Variants in SEMA5B observed in about 807,000 individuals in gnomAD.
SEMA5B encodes semaphorin-5B.
Under a neutral mutation model 135.0 loss-of-function variants are expected in SEMA5B, and 66 were observed. The observed-to-expected ratio is 0.49, with a 90% CI of 0.40 to 0.60. SEMA5B has a LOEUF of 0.60. Ranked by LOEUF, SEMA5B falls within the 20% of genes least tolerant of loss-of-function variation. The probability of loss-of-function intolerance (pLI) is 0.00; values close to 1 mark genes in which losing one functional copy is unlikely to be tolerated. For missense variants in SEMA5B, 1,501 were observed against 1,566.3 expected (o/e 0.96, Z 0.70); for synonymous variants, 690 against 639.5 (o/e 1.08, Z -1.19).
At chr3:122,934,607 G>A (rs1576346653) in intron 5 of SEMA5B, among the ~76,000 whole-genome samples, 1 of 152,270 alleles carries the variant, frequency 6.6e-6, no homozygotes, top group South Asian at 2.1e-4. Flanking sequence ...CAGCATATTT[G>A]AATCCTGATT....
rs536116791 is a variant in SEMA5B, at chr3:123,006,561, T to C, written c.-39+20903A>G. ...AGGGGCTTGCTGGTGCTGCCCTGAG[T>C]GCTGAAATTAGGAATTGGGAGATTT... On this transcript the variant is annotated intron_variant, in intron 1 of 22. Coordinates refer to ENST00000357599, the MANE Select transcript of SEMA5B (RefSeq NM_001031702.4). Among the ~76,000 whole-genome samples, 3 of 152,276 alleles carry C rather than the reference T, an allele frequency of 2.0e-5. No homozygotes were observed. The East Asian group carries it at 5.8e-4, about 29-fold the overall frequency.
upstream of SEMA5B, chr3:123,028,396 C>T (rs944595858): frequency 6.6e-6 from 1 of 152,280 alleles, no homozygotes; most frequent in Non-Finnish European, 1.5e-5. Context: ...CCGAGCGAAC[C>T]TCTCCAAGCC....
chr3:122,986,692 C>T (rs1941710883), intron 1 of SEMA5B, among the ~76,000 whole-genome samples: 1 of 152,022 alleles, frequency 6.6e-6, no homozygotes, highest in African/African-American at 2.4e-5. Context: ...AAGGAACACA[C>T]ACACAGACAC....
chr3:122,985,772 G>A (rs1941678723), intron 1 of SEMA5B, among the ~76,000 whole-genome samples: 1 of 152,160 alleles, frequency 6.6e-6, no homozygotes, highest in Non-Finnish European at 1.5e-5. Flanking sequence ...CAACAGGGTG[G>A]CCACGCCAGC....
chr3:122,996,744 G>A (rs963105179), intron 1 of SEMA5B, among the ~76,000 whole-genome samples: 15 of 152,154 alleles, frequency 9.9e-5, no homozygotes, highest in African/African-American at 2.4e-4. Context: ...GGGACGTTCC[G>A]TGAGACCCCA....
At chr3:122,929,106 T>G in intron 5 of SEMA5B, 48 bp from the exon 6 acceptor site, 1 of 1,558,898 alleles carries the variant, frequency 6.4e-7, no homozygotes, top group Non-Finnish European at 8.8e-7. Flanking sequence ...GCTGTGTCAT[T>G]TACTGCCACT....
At chr3:122,938,905 G>A (rs1939427765) in intron 5 of SEMA5B, among the ~76,000 whole-genome samples, 1 of 152,226 alleles carries the variant, frequency 6.6e-6, no homozygotes, top group East Asian at 1.9e-4. Context: ...CTTCTTGGCA[G>A]CAGATAATAA....
intron 6 of SEMA5B, 29 bp downstream of exon 6, chr3:122,928,967 G>A (rs1279756219): frequency 6.2e-7 from 1 of 1,609,358 alleles, no homozygotes; most frequent in Non-Finnish European, 8.5e-7. Context: ...AGCTCCAGGT[G>A]GGGCCCCTGG....
At chr3:123,005,821 C>T (rs995176063) in intron 1 of SEMA5B, among the ~76,000 whole-genome samples, 1 of 152,218 alleles carries the variant, frequency 6.6e-6, no homozygotes, top group Non-Finnish European at 1.5e-5. Flanking sequence ...CAGGGGCCTG[C>T]CTACCATGCA....
At chr3:122,956,691 T>A (rs1440542181) in intron 2 of SEMA5B, among the ~76,000 whole-genome samples, 1 of 151,896 alleles carries the variant, frequency 6.6e-6, no homozygotes. Context: ...AGACAGGGGA[T>A]CGCCCAGACC....
intron 12 of SEMA5B, among the ~76,000 whole-genome samples, chr3:122,920,662 C>T (rs1938300591): frequency 6.6e-6 from 1 of 152,184 alleles, no homozygotes; most frequent in South Asian, 2.1e-4. Context: ...AGAGCCGAAG[C>T]TCAAAAAGAT....
At chr3:122,982,144 C>T (rs1171085349) in intron 1 of SEMA5B, among the ~76,000 whole-genome samples, 2 of 152,218 alleles carry the variant, frequency 1.3e-5, no homozygotes, top group Non-Finnish European at 2.9e-5. Context: ...CTCTTGACTT[C>T]TCATGTCCCA....
intron 14 of SEMA5B, 118 bp from the exon 15 acceptor site, chr3:122,914,119 T>G (rs1458734960): frequency 1.8e-6 from 2 of 1,127,500 alleles, no homozygotes; most frequent in Admixed American, 6.3e-5. Context: ...GACAGTGACA[T>G]AGAAATATCT....
Position 123,027,731 on chromosome 3 carries a change from G to A in SEMA5B, c.-306C>T, listed in dbSNP as rs1942836649. 1.3e-5 allele frequency: 2 copies of A among 152,148 alleles called. No homozygotes were observed. Among genetic ancestry groups the A allele is most frequent in the Non-Finnish European group, 2.9e-5 (2 of 68,018 alleles). The allele number at this position is 152,148 out of a possible 1,614,324, so 9.4% of individuals were successfully genotyped here. A position where few individuals can be genotyped will look rare whatever the true frequency, so the allele number is the denominator to read the frequency against. On this transcript the variant is annotated 5_prime_UTR_variant, in exon 1 of 23. Coordinates refer to ENST00000357599, the MANE Select transcript of SEMA5B (RefSeq NM_001031702.4). ...GGCACCAACCCCCGCGCTCCAACTA[G>A]CTCCCGACCCGGCGCTCGGAGAGAG...
intron 1 of SEMA5B, among the ~76,000 whole-genome samples, chr3:123,013,262 T>C (rs1055602786): frequency 6.6e-6 from 1 of 152,146 alleles, no homozygotes; most frequent in African/African-American, 2.4e-5. Flanking sequence ...CTAAAACACA[T>C]GCAGCTTTTA....
chr3:122,990,224 C>T (rs1280934774), intron 1 of SEMA5B, among the ~76,000 whole-genome samples: 1 of 152,170 alleles, frequency 6.6e-6, no homozygotes, highest in Non-Finnish European at 1.5e-5. Context: ...CCCTCCTCTG[C>T]TGAGGGGGAG....
In SEMA5B at chr3:122,973,878, A is replaced by C. The variant is rs533039193; in HGVS notation, c.-38-12577T>G. On this transcript the variant is annotated intron_variant, in intron 1 of 22. Coordinates refer to ENST00000357599, the MANE Select transcript of SEMA5B (RefSeq NM_001031702.4). ...AAACCCTTTCAGGATTTCCTTCTGG[A>C]GGGCTGTGAGTCTTCTTCACCAGGC... 2.6e-5 allele frequency among the ~76,000 whole-genome samples: 4 copies of C among 152,278 alleles called. No homozygotes were observed. The South Asian group carries it at 8.3e-4, about 32-fold the overall frequency.
chr3:122,943,921 C>A (rs901954954), intron 3 of SEMA5B, among the ~76,000 whole-genome samples: 7 of 152,206 alleles, frequency 4.6e-5, no homozygotes, highest in Non-Finnish European at 8.8e-5. Context: ...ACATCCAAGC[C>A]ACCACCAGCT....
At chr3:122,955,519 C>T (rs990520513) in intron 2 of SEMA5B, among the ~76,000 whole-genome samples, 1 of 152,158 alleles carries the variant, frequency 6.6e-6, no homozygotes, top group Non-Finnish European at 1.5e-5. Flanking sequence ...CAAATACTCC[C>T]AAGACAAACA....
Sources: allele counts gnomAD v4.1 joint callset (sites outside exome capture counted in the v4.1 genomes callset), GRCh38; gene constraint gnomAD v4.1.1; transcripts MANE v1.5; gene names NCBI Gene and HGNC (gene_info 2026-07-23, HGNC 2026-07-21).